The following ANKS1B variants were observed in gnomAD, a reference collection of about 807,000 sequenced individuals.
The protein encoded by ANKS1B is ankyrin repeat and sterile alpha motif domain-containing protein 1B.
ANKS1B carries 36 observed loss-of-function variants against 148.3 expected under a neutral mutation model. The observed-to-expected ratio is 0.24, with a 90% CI of 0.19 to 0.32. ANKS1B has a LOEUF of 0.32. ANKS1B is among the 10% of genes least tolerant of loss of function. ANKS1B has a pLI of 1.00. For missense variants in ANKS1B, 1,157 were observed against 1,542.6 expected, an observed-to-expected ratio of 0.75 and a Z score of 4.19; for synonymous variants, 542 against 560.8, an observed-to-expected ratio of 0.97 and a Z score of 0.47.
At chr12:99,242,478 T>G (rs932828070) in intron 14 of ANKS1B, among the ~76,000 whole-genome samples, 1 of 152,134 alleles carries the variant, frequency 6.6e-6, no homozygotes, top group African/African-American at 2.4e-5. Context: ...CCAAGGTAAT[T>G]TATAGATTCA....
At chr12:98,804,188 T>A (rs537171437) in intron 20 of ANKS1B, among the ~76,000 whole-genome samples, 1 of 152,330 alleles carries the variant, frequency 6.6e-6, no homozygotes, top group African/African-American at 2.4e-5. Flanking sequence ...ATAATACTTA[T>A]TTCATTTTCT....
intron 17 of ANKS1B, among the ~76,000 whole-genome samples, chr12:98,874,791 T>G (rs1266059113): frequency 1.3e-5 from 2 of 152,044 alleles, no homozygotes; most frequent in Admixed American, 1.3e-4. Flanking sequence ...AATGAGAAAT[T>G]AATAACACTG....
At chr12:99,580,767 A>T (rs1597460980) in intron 9 of ANKS1B, among the ~76,000 whole-genome samples, 1 of 152,216 alleles carries the variant, frequency 6.6e-6, no homozygotes, top group Non-Finnish European at 1.5e-5. Context: ...ATACATAGAA[A>T]TGATCAATAT....
intron 9 of ANKS1B, among the ~76,000 whole-genome samples, chr12:99,534,181 T>C (rs1011407239): frequency 3.3e-5 from 5 of 152,286 alleles, no homozygotes; most frequent in African/African-American, 1.2e-4. Context: ...GCAATGACAA[T>C]ATGAAAATAT....
At chr12:99,199,287 C>T (rs1386056318) in intron 14 of ANKS1B, among the ~76,000 whole-genome samples, 1 of 152,164 alleles carries the variant, frequency 6.6e-6, no homozygotes, top group Non-Finnish European at 1.5e-5. Context: ...AGATAACATG[C>T]AGCAATAGAT....
intron 9 of ANKS1B, among the ~76,000 whole-genome samples, chr12:99,552,694 G>T (rs2097233493): frequency 6.6e-6 from 1 of 152,110 alleles, no homozygotes; most frequent in Non-Finnish European, 1.5e-5. Flanking sequence ...GTATCCATGG[G>T]GGATTGATTC....
At chr12:99,580,415 C>T (rs1379955848) in intron 9 of ANKS1B, among the ~76,000 whole-genome samples, 3 of 151,794 alleles carry the variant, frequency 2.0e-5, no homozygotes, top group Non-Finnish European at 4.4e-5. Context: ...AAAATATGAC[C>T]TATTAGGGAT....
chr12:99,858,481 C>T (rs910058801), intron 1 of ANKS1B, among the ~76,000 whole-genome samples: 1 of 152,112 alleles, frequency 6.6e-6, no homozygotes, highest in African/African-American at 2.4e-5. Context: ...CCTTGAAGAA[C>T]TAAAAGTAGC....
At chr12:99,873,763 A>G (rs1404004729) in intron 1 of ANKS1B, among the ~76,000 whole-genome samples, 1 of 152,120 alleles carries the variant, frequency 6.6e-6, no homozygotes, top group Non-Finnish European at 1.5e-5. Flanking sequence ...GAATAACACT[A>G]AATCAGTAGA....
chr12:99,777,745 C>T (rs531907331), intron 6 of ANKS1B, among the ~76,000 whole-genome samples: 10 of 151,912 alleles, frequency 6.6e-5, no homozygotes, highest in East Asian at 2.0e-4. Context: ...CCACCGCGCC[C>T]GGCTAAGTTT....
At chr12:98,962,388 T>TTA (rs374244706) in intron 17 of ANKS1B, among the ~76,000 whole-genome samples, 4,975 of 148,180 alleles carry the variant, frequency 0.034, 236 homozygotes, top group African/African-American at 0.1. Flanking sequence ...GATATAACAA[T>TTA]TATATATATA....
chr12:99,109,278 T>C (rs971604388), intron 15 of ANKS1B, among the ~76,000 whole-genome samples: 1 of 152,208 alleles, frequency 6.6e-6, no homozygotes. Context: ...GCAATTCCTA[T>C]TGTGGGCTTA....
chr12:99,523,865 T>A (rs938826773), intron 9 of ANKS1B, among the ~76,000 whole-genome samples: 2 of 152,218 alleles, frequency 1.3e-5, no homozygotes, highest in Non-Finnish European at 2.9e-5. Flanking sequence ...ACAAGGTATC[T>A]TCTGAGTGTA....
intron 1 of ANKS1B, among the ~76,000 whole-genome samples, chr12:99,863,726 A>AT (rs1272112173): frequency 6.6e-6 from 1 of 151,664 alleles, no homozygotes; most frequent in Admixed American, 6.6e-5. Flanking sequence ...AAAAAATAAA[A>AT]AAAAAAATTC....
At chr12:99,293,364 G>A (rs1340447741) in intron 12 of ANKS1B, among the ~76,000 whole-genome samples, 1 of 151,908 alleles carries the variant, frequency 6.6e-6, no homozygotes, top group Non-Finnish European at 1.5e-5. Flanking sequence ...GGTGGGGGCT[G>A]GGGAAGGGAT....
intron 12 of ANKS1B, among the ~76,000 whole-genome samples, chr12:99,284,222 T>C (rs2078830721): frequency 6.6e-6 from 1 of 152,166 alleles, no homozygotes. Flanking sequence ...TCCCTCCTCC[T>C]CTTCCCCACC....
intron 1 of ANKS1B, among the ~76,000 whole-genome samples, chr12:99,917,345 T>C (rs1290943511): frequency 6.6e-6 from 1 of 152,194 alleles, no homozygotes; most frequent in African/African-American, 2.4e-5. Flanking sequence ...TCCTCAGCCA[T>C]CACAATGGTT....
intron 24 of ANKS1B, among the ~76,000 whole-genome samples, chr12:98,778,703 C>A (rs542062130): frequency 6.6e-6 from 1 of 152,176 alleles, no homozygotes; most frequent in African/African-American, 2.4e-5. Flanking sequence ...GTGGATCCTC[C>A]GTCCCTTCTG....
chr12:99,128,137 A>T (rs2064964712), intron 15 of ANKS1B, among the ~76,000 whole-genome samples: 1 of 152,206 alleles, frequency 6.6e-6, no homozygotes, highest in Admixed American at 6.5e-5. Context: ...GAGCCATTCA[A>T]ACAGATTCAT....
Sources: gnomAD v4.1 joint callset for allele counts (sites outside exome capture counted in the v4.1 genomes callset) on GRCh38, gnomAD v4.1.1 for gene constraint, MANE v1.5 for transcripts, NCBI Gene and HGNC (gene_info 2026-07-23, HGNC 2026-07-21) for gene names.